The following SLIT2 variants were observed in gnomAD, a reference collection of about 807,000 sequenced individuals.
SLIT2 encodes slit guidance ligand 2.
Under a neutral mutation model 185.7 loss-of-function variants are expected in SLIT2, and 41 were observed. The observed-to-expected ratio is 0.22, with a 90% confidence interval of 0.17 to 0.29. The LOEUF is 0.29. Among genes scored for constraint, SLIT2 ranks in the 10% least tolerant of loss-of-function variants. The probability of loss-of-function intolerance (pLI) is 1.00; values close to 1 mark genes in which losing one functional copy is unlikely to be tolerated. For synonymous variants in SLIT2, 693 were observed against 680.2 expected (o/e 1.02, Z -0.29); for missense variants, 1,571 against 1,909.0 (o/e 0.82, Z 3.30).
At position 20,619,707 on chromosome 4, in the gene SLIT2, TTAG is replaced by T. The variant is rs1729943572; in HGVS notation, c.*701_*703del. 1 of 152,076 alleles carries T rather than the reference TTAG, an allele frequency of 6.6e-6. No individual in the cohort carries two copies. 9.4% of individuals were successfully genotyped at this position (152,076 alleles called of 1,614,324 possible). ...AACCAATAGATTATTGATAAATAAA[TTAG>T]TAATAATATGATTTTTTGTTTCTAT... is the stretch of plus-strand genomic sequence containing the variant. On this transcript the variant is annotated 3_prime_UTR_variant, in exon 37 of 37. Transcript: ENST00000504154.
At chr4:20,599,180 A>G (rs1728219464) in intron 33 of SLIT2, among the ~76,000 whole-genome samples, 1 of 152,180 alleles carries the variant, frequency 6.6e-6, no homozygotes, top group African/African-American at 2.4e-5. Context: ...CCATTTTGGA[A>G]GTTTTCTAAT....
intron 4 of SLIT2, among the ~76,000 whole-genome samples, chr4:20,449,647 T>C (rs575294874): frequency 7.9e-4 from 121 of 152,238 alleles, no homozygotes; most frequent in Non-Finnish European, 1.4e-3. Context: ...GACCTCGTGA[T>C]CCACCCACCT....
At chr4:20,436,427 G>A (rs763009483) in intron 4 of SLIT2, among the ~76,000 whole-genome samples, 1 of 152,128 alleles carries the variant, frequency 6.6e-6, no homozygotes, top group African/African-American at 2.4e-5. Flanking sequence ...TGTGTTTTCC[G>A]GAATTTCCTA....
At chr4:20,601,569 A>G (rs1040354269) in intron 33 of SLIT2, among the ~76,000 whole-genome samples, 2 of 152,044 alleles carry the variant, frequency 1.3e-5, no homozygotes, top group Non-Finnish European at 2.9e-5. Context: ...TTTACCTTCA[A>G]TTTGCAGTTT....
intron 4 of SLIT2, among the ~76,000 whole-genome samples, chr4:20,381,117 G>A (rs556073808): frequency 5.3e-5 from 8 of 152,142 alleles, no homozygotes; most frequent in African/African-American, 1.9e-4. Flanking sequence ...AGCTGAGAGT[G>A]GTGGTAACGC....
intron 4 of SLIT2, among the ~76,000 whole-genome samples, chr4:20,349,452 T>C (rs1721691665): frequency 6.6e-6 from 1 of 152,140 alleles, no homozygotes; most frequent in South Asian, 2.1e-4. Context: ...TTTCATGCAG[T>C]AGTTCCCTTT....
At chr4:20,287,831 C>A (rs753334857) in intron 4 of SLIT2, among the ~76,000 whole-genome samples, 6 of 152,068 alleles carry the variant, frequency 3.9e-5, no homozygotes, top group Non-Finnish European at 7.3e-5. Context: ...ATAGGAGAGG[C>A]TGGATAAATA....
In SLIT2 at chr4:20,528,082, A is replaced by G. The variant is rs1465458874; in HGVS notation, c.1463-867A>G. On this transcript the variant is annotated intron_variant, in intron 15 of 36. Coordinates refer to ENST00000504154, the MANE Select transcript of SLIT2 (RefSeq NM_004787.4). The surrounding 1 kb of genome is among the most constrained non-coding windows in gnomAD (Gnocchi z 4.2). ...TGCAGTTCTGAGGAATGGTGGAGGC[A>G]CCTTTTCCATATAGCCCCTTCTTTG... 1.3e-5 allele frequency among the ~76,000 whole-genome samples: 2 copies of G among 152,062 alleles called. No homozygotes were observed. The highest frequency in any genetic ancestry group is 2.9e-5 in the Non-Finnish European group (2 of 68,014).
chr4:20,335,409 T>G (rs1720407646), intron 4 of SLIT2, among the ~76,000 whole-genome samples: 2 of 152,196 alleles, frequency 1.3e-5, no homozygotes, highest in African/African-American at 4.8e-5. Flanking sequence ...TCAATGAATG[T>G]TTGAAATGTT....
At chr4:20,301,600 G>A (rs1395151104) in intron 4 of SLIT2, among the ~76,000 whole-genome samples, 2 of 152,148 alleles carry the variant, frequency 1.3e-5, no homozygotes, top group East Asian at 3.9e-4. Flanking sequence ...CAATTCACTA[G>A]AAGAGCTAAG....
chr4:20,569,605 AC>A (rs1238576124), intron 29 of SLIT2, among the ~76,000 whole-genome samples: 3 of 152,064 alleles, frequency 2.0e-5, no homozygotes, highest in Non-Finnish European at 2.9e-5. Flanking sequence ...TCTAAAGTCA[AC>A]ATCAAGTTTA....
chr4:20,276,153 T>G (rs1286424070), intron 4 of SLIT2, among the ~76,000 whole-genome samples: 12 of 152,272 alleles, frequency 7.9e-5, no homozygotes. Context: ...CAGTAAAAAT[T>G]GCAAATCTTT....
chr4:20,498,581 T>C (rs925660161), intron 9 of SLIT2, among the ~76,000 whole-genome samples: 24 of 152,234 alleles, frequency 1.6e-4, no homozygotes, highest in African/African-American at 5.5e-4. Context: ...ATATTGCCTT[T>C]TCAAACCATT....
chr4:20,356,527 G>C (rs1284030271), intron 4 of SLIT2, among the ~76,000 whole-genome samples: 2 of 152,020 alleles, frequency 1.3e-5, no homozygotes, highest in Non-Finnish European at 2.9e-5. Context: ...CACACAAATA[G>C]GTTAATATTC....
rs138127763 is a variant in SLIT2 at position 20,449,071 on chromosome 4, G to C, written c.396-18681G>C. ...TGCTTTTCTTGAAAATTAATTTTTT[G>C]TTATACTATTATTTCAATATTATTA... is the stretch of plus-strand genomic sequence containing the variant. On this transcript the variant is annotated intron_variant, in intron 4 of 36. Coordinates refer to ENST00000504154, the MANE Select transcript of SLIT2 (RefSeq NM_004787.4). Among the ~76,000 whole-genome samples, 595 of 151,952 alleles carry C rather than the reference G, an allele frequency of 3.9e-3. 3 individuals carry two copies. Among genetic ancestry groups the C allele is most frequent in the African/African-American group, 0.013 (534 of 41,486 alleles).
intron 4 of SLIT2, among the ~76,000 whole-genome samples, chr4:20,388,975 AATAT>A (rs1279740193): frequency 4.1e-5 from 6 of 145,416 alleles, no homozygotes; most frequent in Non-Finnish European, 9.1e-5. Flanking sequence ...TATATGTCAA[AATAT>A]ATATATGTAT....
intron 4 of SLIT2, among the ~76,000 whole-genome samples, chr4:20,329,829 T>C (rs1249774962): frequency 3.3e-5 from 5 of 152,044 alleles, no homozygotes; most frequent in African/African-American, 4.8e-5. Context: ...ATAACCAGCC[T>C]CACCAGTTGA....
chr4:20,512,671 G>C (rs1719862239), intron 11 of SLIT2, among the ~76,000 whole-genome samples: 2 of 152,146 alleles, frequency 1.3e-5, no homozygotes, highest in Admixed American at 6.5e-5. Context: ...ATACTATCCA[G>C]AGTAAACATT....
At chr4:20,340,012 A>G (rs1720832425) in intron 4 of SLIT2, among the ~76,000 whole-genome samples, 1 of 152,104 alleles carries the variant, frequency 6.6e-6, no homozygotes, top group African/African-American at 2.4e-5. Context: ...TAATCTGAAT[A>G]CCTTTCCCAT....
Sources: gnomAD v4.1 joint callset for allele counts (sites outside exome capture counted in the v4.1 genomes callset) on GRCh38, gnomAD v4.1.1 for gene constraint, Gnocchi (gnomAD v3.1) non-coding constraint, MANE v1.5 for transcripts, NCBI Gene and HGNC (gene_info 2026-07-23, HGNC 2026-07-21) for gene names.